The following THADA variants were observed in gnomAD, a reference collection of about 807,000 sequenced individuals.
THADA encodes the protein THADA armadillo repeat containing.
Under a neutral mutation model 219.8 loss-of-function variants are expected in THADA, and 213 were observed. The ratio of observed to expected loss-of-function variants is 0.97; its 90% CI spans 0.87 to 1.09. The LOEUF is 1.09. Among genes scored for constraint, THADA ranks in the 50% least tolerant of loss-of-function variants. The probability of loss-of-function intolerance (pLI) is 0.00; values close to 1 mark genes in which losing one functional copy is unlikely to be tolerated. For missense variants in THADA, 2,956 were observed against 2,311.3 expected, an observed-to-expected ratio of 1.28 and a Z score of -5.72; for synonymous variants, 1,018 against 828.9, an observed-to-expected ratio of 1.23 and a Z score of -3.92.
At position 43,545,742 on chromosome 2, in the gene THADA, C is replaced by T. The variant is rs964918344; in HGVS notation, c.3106+3468G>A. On this transcript the variant is annotated intron_variant, in intron 20 of 37. Coordinates refer to ENST00000405975, the MANE Select transcript of THADA (RefSeq NM_022065.5). ...ATATCCCCTTTATCATTTTTTATTG[C>T]GTCTATTTGATTCTTCTCTCTTTTC... 5.3e-4 allele frequency among the ~76,000 whole-genome samples: 81 copies of T among 151,484 alleles called. 1 individual carries two copies. The highest frequency in any genetic ancestry group is 9.9e-4 in the Admixed American group (15 of 15,220).
intron 26 of THADA, among the ~76,000 whole-genome samples, chr2:43,482,789 G>A (rs1313851230): frequency 6.6e-6 from 1 of 152,154 alleles, no homozygotes; most frequent in Non-Finnish European, 1.5e-5. Context: ...CACAGAAGTG[G>A]TAACAGAAAG....
chr2:43,571,577 C>T (rs1430240250), intron 13 of THADA, 130 bp downstream of exon 13: 12 of 816,566 alleles, frequency 1.5e-5, no homozygotes, highest in South Asian at 1.3e-4. Flanking sequence ...ACAGAACGGC[C>T]GTCATGAACA....
intron 20 of THADA, among the ~76,000 whole-genome samples, chr2:43,543,244 T>C (rs1401196968): frequency 3.0e-5 from 4 of 134,258 alleles, no homozygotes; most frequent in African/African-American, 1.2e-4. Flanking sequence ...ATGGTGTATA[T>C]ATGCCACATT....
intron 22 of THADA, among the ~76,000 whole-genome samples, chr2:43,519,302 T>C (rs1692119766): frequency 6.6e-6 from 1 of 152,084 alleles, no homozygotes; most frequent in Non-Finnish European, 1.5e-5. Flanking sequence ...ACCTCTGAAA[T>C]GCTATGAAAT....
At chr2:43,476,911 A>T (rs981807816) in intron 26 of THADA, among the ~76,000 whole-genome samples, 1 of 152,218 alleles carries the variant, frequency 6.6e-6, no homozygotes, top group African/African-American at 2.4e-5. Context: ...TCATTCTCTC[A>T]AAGAGGCATT....
chr2:43,312,702 T>C (rs74770586), intron 31 of THADA, among the ~76,000 whole-genome samples: 1 of 151,554 alleles, frequency 6.6e-6, no homozygotes, highest in Non-Finnish European at 1.5e-5. Flanking sequence ...AACTAATTTA[T>C]TGACAACAAA....
chr2:43,406,367 C>T (rs937704407), intron 28 of THADA, among the ~76,000 whole-genome samples: 8 of 152,162 alleles, frequency 5.3e-5, no homozygotes, highest in East Asian at 1.9e-4. Flanking sequence ...AATTTCTGAA[C>T]GCTAATTTCT....
At chr2:43,257,499 C>G (rs948429188) in intron 36 of THADA, among the ~76,000 whole-genome samples, 6 of 152,248 alleles carry the variant, frequency 3.9e-5, no homozygotes. Context: ...CTCCTTCTCT[C>G]TTGAATAGGT....
At chr2:43,415,311 C>G (rs765340673) in intron 28 of THADA, among the ~76,000 whole-genome samples, 15 of 152,130 alleles carry the variant, frequency 9.9e-5, no homozygotes, top group Non-Finnish European at 1.6e-4. Flanking sequence ...TATGACCTGT[C>G]AAATCATTTA....
intron 27 of THADA, among the ~76,000 whole-genome samples, chr2:43,428,898 G>A (rs1678864566): frequency 6.6e-6 from 1 of 152,136 alleles, no homozygotes; most frequent in South Asian, 2.1e-4. Context: ...AGCATGAATA[G>A]TCACTAAAGG....
intron 36 of THADA, among the ~76,000 whole-genome samples, chr2:43,250,421 A>G (rs1387647866): frequency 6.6e-6 from 1 of 152,230 alleles, no homozygotes; most frequent in Non-Finnish European, 1.5e-5. Flanking sequence ...CTTAATGGGT[A>G]CAGGGTTTTT....
At chr2:43,421,637 T>C (rs989719149) in intron 28 of THADA, among the ~76,000 whole-genome samples, 1 of 152,226 alleles carries the variant, frequency 6.6e-6, no homozygotes, top group Admixed American at 6.5e-5. Flanking sequence ...TTCTTTTGCT[T>C]GTCAGAAAAT....
At chr2:43,390,362 A>C (rs1673216842) in intron 29 of THADA, among the ~76,000 whole-genome samples, 1 of 152,216 alleles carries the variant, frequency 6.6e-6, no homozygotes, top group Non-Finnish European at 1.5e-5. Context: ...GGGTAAAGAT[A>C]GTCTCAAACA....
intron 26 of THADA, among the ~76,000 whole-genome samples, chr2:43,455,032 T>C (rs1361353776): frequency 6.6e-6 from 1 of 152,150 alleles, no homozygotes; most frequent in Non-Finnish European, 1.5e-5. Flanking sequence ...GTTCTACATG[T>C]TCTTAAGCTA....
At chr2:43,499,556 T>C (rs911825037) in intron 24 of THADA, among the ~76,000 whole-genome samples, 8 of 152,076 alleles carry the variant, frequency 5.3e-5, no homozygotes, top group Non-Finnish European at 1.0e-4. Context: ...TTTGTATAAT[T>C]AGTAGAGACA....
intron 29 of THADA, among the ~76,000 whole-genome samples, chr2:43,393,180 C>A (rs1573432436): frequency 1.3e-5 from 2 of 152,164 alleles, no homozygotes; most frequent in South Asian, 2.1e-4. Context: ...ATACCTTTCA[C>A]GGGTCGCAGC....
rs1171306502 is a variant in THADA at position 43,281,481 on chromosome 2, G to A, written c.5165-1585C>T. Among the ~76,000 whole-genome samples the A allele has an allele frequency of 1.2e-4, 13 of 108,344 alleles. 2 individuals are homozygous for A. The East Asian group carries it at 3.6e-3, about 30-fold the overall frequency. 71.1% of individuals were successfully genotyped at this position (108,344 alleles called of 152,430 possible). On this transcript the variant is annotated intron_variant, in intron 35 of 37. Coordinates refer to ENST00000405975, the MANE Select transcript of THADA (RefSeq NM_022065.5). ...TTTGAGATGAAGTTTCACTCTTGTT[G>A]CCCAGGCTGGAGTGCAATGGGGCAA...
In THADA at chr2:43,295,089, T is replaced by C. The variant is rs545169410; in HGVS notation, c.4439-1876A>G. ...GCCTGGACAACACTGTGAAAATCTA[T>C]TTCTACAAAAAATAAAAAGTCAGCT... On this transcript the variant is annotated intron_variant, in intron 31 of 37. Coordinates refer to ENST00000405975, the MANE Select transcript of THADA (RefSeq NM_022065.5). Among the ~76,000 whole-genome samples, 28 of 152,242 alleles carry C rather than the reference T, an allele frequency of 1.8e-4. No individual in the cohort carries two copies. The South Asian group carries it at 4.6e-3, about 25-fold the overall frequency.
intron 25 of THADA, among the ~76,000 whole-genome samples, chr2:43,497,552 G>C (rs947446996): frequency 6.6e-6 from 1 of 152,134 alleles, no homozygotes; most frequent in Non-Finnish European, 1.5e-5. Flanking sequence ...GGAAGGGAGG[G>C]AGAACATCAG....
Sources: allele counts gnomAD v4.1 joint callset (sites outside exome capture counted in the v4.1 genomes callset), GRCh38; gene constraint gnomAD v4.1.1; transcripts MANE v1.5; gene names NCBI Gene and HGNC (gene_info 2026-07-23, HGNC 2026-07-21).